The following PAK1 variants were observed in gnomAD, a reference collection of about 807,000 sequenced individuals.
The protein encoded by PAK1 is p21 (RAC1) activated kinase 1, also known as serine/threonine-protein kinase PAK 1.
Under a neutral mutation model 67.4 loss-of-function variants are expected in PAK1, and 29 were observed. The observed-to-expected ratio is 0.43, with a 90% confidence interval of 0.32 to 0.59. The LOEUF (loss-of-function observed/expected upper bound fraction) is 0.59. Among genes scored for constraint, PAK1 ranks in the 20% least tolerant of loss-of-function variants. The pLI, the probability that PAK1 is intolerant of heterozygous loss-of-function variation, is 0.07. For missense variants in PAK1, 337 were observed against 670.7 expected (o/e 0.50, Z 5.50); for synonymous variants, 223 against 237.4 (o/e 0.94, Z 0.56).
intron 1 of PAK1, among the ~76,000 whole-genome samples, chr11:77,444,973 C>CAAA (rs34653938): frequency 7.0e-5 from 10 of 143,668 alleles, no homozygotes; most frequent in African/African-American, 2.3e-4. Context: ...AATTGTGTCT[C>CAAA]AAAAAAAAAA....
In PAK1 at chr11:77,431,347, A is replaced by G. The variant is rs576357101; in HGVS notation, c.-21-38806T>C. Among the ~76,000 whole-genome samples the G allele has an allele frequency of 1.1e-4, 16 of 152,290 alleles. 1 individual carries two copies. The South Asian group carries it at 2.5e-3, about 24-fold the overall frequency. On this transcript the variant is annotated intron_variant, in intron 1 of 14. Coordinates refer to ENST00000356341, the MANE Select transcript of PAK1 (RefSeq NM_002576.5). ...TTATGTCTCATATCAACCCTGAGAGATTATGCAATAGAAGTGTTATTCTCT... is the reference window on the plus strand; with the variant it reads ...TTATGTCTCATATCAACCCTGAGAGGTTATGCAATAGAAGTGTTATTCTCT...
chr11:77,370,447 G>A (rs1948278072), intron 5 of PAK1, among the ~76,000 whole-genome samples: 1 of 152,166 alleles, frequency 6.6e-6, no homozygotes, highest in Admixed American at 6.6e-5. Context: ...CTGTAAGGAG[G>A]AGGCTGCCCC....
At chr11:77,405,666 GACAGAC>G (rs1183678192) in intron 1 of PAK1, among the ~76,000 whole-genome samples, 1 of 117,382 alleles carries the variant, frequency 8.5e-6, no homozygotes, top group Admixed American at 8.5e-5. Context: ...CAGACAGACA[GACAGAC>G]AGACACACAC....
chr11:77,492,475 A>G, the PAK1 span, among the ~76,000 whole-genome samples: 2 of 151,636 alleles, frequency 1.3e-5, no homozygotes, highest in African/African-American at 4.8e-5. Context: ...CAGAGAAGAG[A>G]GCAATAATTA....
chr11:77,327,139 A>T (rs1940149657), intron 14 of PAK1, among the ~76,000 whole-genome samples: 1 of 152,240 alleles, frequency 6.6e-6, no homozygotes, highest in African/African-American at 2.4e-5. Flanking sequence ...CTATGTGAAA[A>T]GGCCAAATCT....
intron 2 of PAK1, among the ~76,000 whole-genome samples, chr11:77,389,185 T>C (rs1306317003): frequency 6.6e-6 from 1 of 152,252 alleles, no homozygotes; most frequent in Non-Finnish European, 1.5e-5. Flanking sequence ...TCATACTATA[T>C]GTGATCCTTT....
chr11:77,519,807 C>T, the PAK1 span, among the ~76,000 whole-genome samples: 1 of 152,134 alleles, frequency 6.6e-6, no homozygotes, highest in Non-Finnish European at 1.5e-5. Flanking sequence ...AGGTTCTAGA[C>T]ACAAGCCAGG....
At chr11:77,447,563 C>T (rs375757079) in intron 1 of PAK1, among the ~76,000 whole-genome samples, 40 of 151,804 alleles carry the variant, frequency 2.6e-4, no homozygotes, top group Middle Eastern at 3.4e-3. Context: ...GGAAGTCTCG[C>T]GCTCAGGCTG....
At chr11:77,349,491 T>C (rs1944932607) in intron 8 of PAK1, 2 of 562,916 alleles carry the variant, frequency 3.6e-6, no homozygotes, top group Non-Finnish European at 6.5e-6. Context: ...CCAGGAGACC[T>C]GAATTCCAAC....
At chr11:77,476,218 A>C (rs1958060161), upstream of PAK1, 1 of 152,298 alleles carries the variant, frequency 6.6e-6, no homozygotes, top group Non-Finnish European at 1.5e-5. Context: ...TCTATGTGCC[A>C]GGTACTGTTC....
intron 1 of PAK1, among the ~76,000 whole-genome samples, chr11:77,429,055 CTAAAAAAAAAAAAA>C (rs1565696376): frequency 5.0e-5 from 1 of 20,034 alleles, no homozygotes; most frequent in South Asian, 3.2e-3. Flanking sequence ...CCATTTAATA[CTAAAAAAAAAAAAA>C]AAAAAAAAAA....
intron 1 of PAK1, among the ~76,000 whole-genome samples, chr11:77,425,939 C>A (rs1592425253): frequency 6.6e-6 from 1 of 152,002 alleles, no homozygotes; most frequent in East Asian, 1.9e-4. Context: ...GCCTGGGTGA[C>A]AGAGCAAGAC....
At chr11:77,410,669 T>G (rs1592359239) in intron 1 of PAK1, among the ~76,000 whole-genome samples, 7 of 127,210 alleles carry the variant, frequency 5.5e-5, no homozygotes, top group African/African-American at 1.2e-4. Context: ...GGAGGAAGGG[T>G]GAAGGGGACG....
chr11:77,494,369 G>C, the PAK1 span, among the ~76,000 whole-genome samples: 5 of 152,094 alleles, frequency 3.3e-5, no homozygotes, highest in African/African-American at 1.2e-4. Flanking sequence ...ACAAAAACAA[G>C]CTGCAGGTAA....
intron 1 of PAK1, among the ~76,000 whole-genome samples, chr11:77,465,795 C>T (rs1254297579): frequency 1.3e-5 from 2 of 151,980 alleles, no homozygotes; most frequent in African/African-American, 2.4e-5. Context: ...ACAAAAAATA[C>T]AAAAATTAGC....
intron 6 of PAK1, 153 bp downstream of exon 6, chr11:77,358,745 G>A (rs2250639): frequency 0.32 from 232,683 of 729,730 alleles, 38,920 homozygotes; most frequent in South Asian, 0.45. Flanking sequence ...CATACAGAAA[G>A]TACCTTTAGT....
the PAK1 span, among the ~76,000 whole-genome samples, chr11:77,501,155 A>AAAAAAC: frequency 6.7e-5 from 10 of 148,642 alleles, no homozygotes; most frequent in East Asian, 2.0e-4. Context: ...CGTCTCAAAA[A>AAAAAAC]AAAAAACAAA....
intron 1 of PAK1, among the ~76,000 whole-genome samples, chr11:77,395,108 A>G (rs917600557): frequency 1.1e-4 from 17 of 152,198 alleles, no homozygotes; most frequent in African/African-American, 3.6e-4. Flanking sequence ...CTATGCTTCA[A>G]CTATGAATTC....
chr11:77,516,534 T>C, the PAK1 span, among the ~76,000 whole-genome samples: 2 of 152,224 alleles, frequency 1.3e-5, no homozygotes, highest in African/African-American at 2.4e-5. Context: ...TATTATATAA[T>C]TACTGTATTA....
Sources: allele counts gnomAD v4.1 joint callset (sites outside exome capture counted in the v4.1 genomes callset), GRCh38; gene constraint gnomAD v4.1.1; transcripts MANE v1.5; gene names NCBI Gene and HGNC (gene_info 2026-07-23, HGNC 2026-07-21).